FARP1: variants seen among roughly 807,000 people sequenced by gnomAD.
FARP1 encodes the protein FERM, ARH/RhoGEF and pleckstrin domain protein 1, also known as FERM, ARHGEF and pleckstrin domain-containing protein 1.
FARP1 carries 52 observed loss-of-function variants against 128.8 expected under a neutral mutation model. The observed-to-expected ratio is 0.40, with a 90% CI of 0.32 to 0.51. The LOEUF (loss-of-function observed/expected upper bound fraction) is 0.51. Ranked by LOEUF, FARP1 falls within the 20% of genes least tolerant of loss-of-function variation. The pLI is 0.45. For synonymous variants in FARP1, 580 were observed against 551.8 expected (o/e 1.05, Z -0.72); for missense variants, 1,333 against 1,367.9 (o/e 0.97, Z 0.40).
At position 98,379,004 on chromosome 13, in the gene FARP1, C is replaced by T. The variant is rs866704491; in HGVS notation, c.496+1086C>T. ...ATATATAATATATATATAATATATA[C>T]AATATATAATCTATATATAATATAT... On this transcript the variant is annotated intron_variant, in intron 6 of 26. Transcript: ENST00000319562. 6.0e-4 allele frequency among the ~76,000 whole-genome samples: 35 copies of T among 58,018 alleles called. 4 individuals are homozygous for T. The highest frequency in any genetic ancestry group is 3.4e-3 in the African/African-American group (34 of 9,898). 38.1% of individuals were successfully genotyped at this position (58,018 alleles called of 152,430 possible).
Position 98,284,480 on chromosome 13 carries a change from C to T in FARP1, c.172-59282C>T, listed in dbSNP as rs554472363. Among the ~76,000 whole-genome samples, 4 of 152,280 alleles carry T rather than the reference C, an allele frequency of 2.6e-5. No homozygotes were observed. The East Asian group carries it at 5.8e-4, about 22-fold the overall frequency. ...GTGTTCCCCCAACCCGAGAGCTAGA[C>T]ATTTGATCCCCAAGAACTAAGTGGC... On this transcript the variant is annotated intron_variant, in intron 2 of 26. Transcript: ENST00000319562.
intron 5 of FARP1, among the ~76,000 whole-genome samples, chr13:98,376,092 G>A (rs1299566828): frequency 2.0e-5 from 3 of 152,288 alleles, no homozygotes; most frequent in Middle Eastern, 6.8e-3. Context: ...CTGCGGGGCA[G>A]GGGGTGGTAT....
At chr13:98,317,916 C>T (rs1886794764) in intron 2 of FARP1, among the ~76,000 whole-genome samples, 1 of 150,340 alleles carries the variant, frequency 6.7e-6, no homozygotes, top group South Asian at 2.1e-4. Context: ...CCTTTCCTTC[C>T]TTCCTCTCTC....
chr13:98,314,268 TTA>T (rs1367588093), intron 2 of FARP1, among the ~76,000 whole-genome samples: 1 of 145,472 alleles, frequency 6.9e-6, no homozygotes, highest in Non-Finnish European at 1.5e-5. Flanking sequence ...TTATTATATT[TTA>T]TGTCTTTTTT....
intron 2 of FARP1, chr13:98,328,501 G>A (rs533312612): frequency 1.3e-5 from 2 of 152,326 alleles, no homozygotes; most frequent in East Asian, 1.9e-4. Context: ...GTGCGATGGC[G>A]AAAGTATTAT....
chr13:98,226,284 T>C (rs779591303), intron 2 of FARP1, among the ~76,000 whole-genome samples: 14 of 152,240 alleles, frequency 9.2e-5, no homozygotes, highest in Admixed American at 2.6e-4. Flanking sequence ...ATAGATACAT[T>C]GCCTCTGTCT....
intron 1 of FARP1, among the ~76,000 whole-genome samples, chr13:98,182,891 T>C (rs964354479): frequency 6.6e-6 from 1 of 152,236 alleles, no homozygotes; most frequent in Non-Finnish European, 1.5e-5. Context: ...CCATTGGATG[T>C]GCCCATGAGG....
intron 1 of FARP1, among the ~76,000 whole-genome samples, chr13:98,185,282 T>C (rs1418025148): frequency 1.3e-5 from 2 of 152,178 alleles, no homozygotes; most frequent in African/African-American, 4.8e-5. Context: ...CATGAGTTGA[T>C]ACAAAAGCAG....
rs376188492 is a variant in FARP1, at chr13:98,411,874, G to A, written c.1693-27G>A. 4.7e-5 allele frequency: 76 copies of A among 1,609,958 alleles called. No homozygotes were observed. In the South Asian group the frequency reaches 5.0e-4, roughly 11 times the overall value. On this transcript the variant is annotated intron_variant, in intron 15 of 26. Transcript: ENST00000319562. ...ACACTCGTCATTGATCTTTCCACCC[G>A]TAAGTGCATCGTCTTCTTCTTTCCA... is the stretch of plus-strand genomic sequence containing the variant.
chr13:98,392,455 G>A (rs1420929394), intron 11 of FARP1, among the ~76,000 whole-genome samples: 2 of 149,782 alleles, frequency 1.3e-5, no homozygotes, highest in African/African-American at 4.9e-5. Context: ...AGCCAAGATT[G>A]TGCCACTGCC....
At chr13:98,227,319 A>G (rs1443075664) in intron 2 of FARP1, among the ~76,000 whole-genome samples, 1 of 152,168 alleles carries the variant, frequency 6.6e-6, no homozygotes, top group Non-Finnish European at 1.5e-5. Flanking sequence ...CGTTGAAAAA[A>G]TGTCTTCACC....
intron 2 of FARP1, among the ~76,000 whole-genome samples, chr13:98,326,737 C>T (rs1274400702): frequency 2.0e-5 from 3 of 152,152 alleles, no homozygotes; most frequent in Non-Finnish European, 4.4e-5. Flanking sequence ...AGTCATCTCA[C>T]GTAGTTGAGG....
rs140615683 is a variant in FARP1, at chr13:98,145,567, C to T, written c.-24+2075C>T. 6.7e-3 allele frequency among the ~76,000 whole-genome samples: 858 copies of T among 128,016 alleles called. 8 individuals carry two copies. Among genetic ancestry groups the T allele is most frequent in the African/African-American group, 0.021 (819 of 39,772 alleles). The allele number at this position is 128,016 out of a possible 152,430, so 84.0% of individuals were successfully genotyped here. ...GGAGGAACGTTTTTGTTTCACTTTTCGTTAAAGAAACTGTCCAAGGGGGCT... is the reference window on the plus strand; with the variant it reads ...GGAGGAACGTTTTTGTTTCACTTTTTGTTAAAGAAACTGTCCAAGGGGGCT... On this transcript the variant is annotated intron_variant, in intron 1 of 26. Coordinates refer to ENST00000319562, the MANE Select transcript of FARP1 (RefSeq NM_005766.4).
chr13:98,453,407 A>C lies in FARP1; in HGVS notation c.*5090A>C. On this transcript the variant is annotated 3_prime_UTR_variant, in exon 27 of 27. Coordinates refer to ENST00000319562, the MANE Select transcript of FARP1 (RefSeq NM_005766.4). ...AGAAGATCATGATTCTTACACAAAAACTCCAGAGCATGTCACCAAAAACCA... is the reference window on the plus strand; with the variant it reads ...AGAAGATCATGATTCTTACACAAAACCTCCAGAGCATGTCACCAAAAACCA... 1.7e-6 allele frequency: 1 copy of C among 584,816 alleles called. No homozygotes were observed. The highest frequency in any genetic ancestry group is 2.9e-6 in the Non-Finnish European group (1 of 343,248). The allele number at this position is 584,816 out of a possible 1,614,324, so 36.2% of individuals were successfully genotyped here. A position where few individuals can be genotyped will look rare whatever the true frequency, so the allele number is the denominator to read the frequency against.
At chr13:98,325,981 T>A (rs1241559575) in intron 2 of FARP1, among the ~76,000 whole-genome samples, 1 of 152,238 alleles carries the variant, frequency 6.6e-6, no homozygotes, top group East Asian at 1.9e-4. Flanking sequence ...AGAGGGACAT[T>A]GAGTGAAAAT....
At chr13:98,187,501 G>A (rs149965598) in intron 1 of FARP1, among the ~76,000 whole-genome samples, 69 of 152,332 alleles carry the variant, frequency 4.5e-4, no homozygotes, top group Middle Eastern at 3.4e-3. Context: ...GGGGGAGGAG[G>A]ATCCAGGCAG....
chr13:98,402,544 G>A (rs2306442), intron 13 of FARP1: 84,713 of 151,980 alleles, frequency 0.56, 25,373 homozygotes, highest in Non-Finnish European at 0.68. Flanking sequence ...CCAAGCTAAC[G>A]ACTCCTTTTT....
At chr13:98,350,579 C>G (rs1302106770) in intron 3 of FARP1, among the ~76,000 whole-genome samples, 1 of 152,152 alleles carries the variant, frequency 6.6e-6, no homozygotes. Flanking sequence ...TCTGGACTTG[C>G]ATCTACCACA....
intron 19 of FARP1, chr13:98,435,932 C>A: frequency 1.6e-6 from 1 of 614,862 alleles, no homozygotes; most frequent in Non-Finnish European, 3.1e-6. Context: ...TTTCTCCTTA[C>A]GGGGTGATTC....
Sources: allele counts gnomAD v4.1 joint callset (sites outside exome capture counted in the v4.1 genomes callset), GRCh38; gene constraint gnomAD v4.1.1; transcripts MANE v1.5; gene names NCBI Gene and HGNC (gene_info 2026-07-23, HGNC 2026-07-21).